The following LRRC8D variants were observed in gnomAD, a reference collection of about 807,000 sequenced individuals.
The protein encoded by LRRC8D is volume-regulated anion channel subunit LRRC8D.
LRRC8D carries 20 observed loss-of-function variants against 55.8 expected under a neutral mutation model. The observed-to-expected ratio is 0.36, with a 90% confidence interval of 0.25 to 0.52. The LOEUF (loss-of-function observed/expected upper bound fraction) is 0.52, where lower values mean the gene tolerates loss of function less well. Among genes scored for constraint, LRRC8D ranks in the 20% least tolerant of loss-of-function variants. The pLI is 0.93. For missense variants in LRRC8D, 651 were observed against 1,030.8 expected (o/e 0.63, Z 5.05); for synonymous variants, 352 against 377.0 (o/e 0.93, Z 0.77).
chr1:89,857,401 A>G (rs1205292836), intron 2 of LRRC8D, among the ~76,000 whole-genome samples: 1 of 151,666 alleles, frequency 6.6e-6, no homozygotes, highest in Admixed American at 6.6e-5. Context: ...AAAAAAAAAA[A>G]AAAGTAATTA....
At chr1:89,877,541 C>T (rs1662177805) in intron 2 of LRRC8D, among the ~76,000 whole-genome samples, 1 of 152,134 alleles carries the variant, frequency 6.6e-6, no homozygotes, top group Non-Finnish European at 1.5e-5. Context: ...GCCCCACTCC[C>T]CCTTTTCTGT....
chr1:89,860,259 A>G (rs563040965), intron 2 of LRRC8D, among the ~76,000 whole-genome samples: 218 of 152,340 alleles, frequency 1.4e-3, no homozygotes, highest in Non-Finnish European at 1.9e-3. Flanking sequence ...AAACCTCAAC[A>G]CTTTCTGATC....
chr1:89,923,883 A>T (rs1473339841), intron 2 of LRRC8D, among the ~76,000 whole-genome samples: 1 of 152,252 alleles, frequency 6.6e-6, no homozygotes, highest in Non-Finnish European at 1.5e-5. Context: ...CTTATGCAGA[A>T]GATTGAAACT....
rs1663815718 is a variant in LRRC8D at position 89,935,307 on chromosome 1, G to A, written c.2239G>A (p.Glu747Lys). Reference sequence around the variant, plus strand: ...CAACAACATTTCAATGATTCCAATAGAAATAGGATTGCTTCAGAACCTGCA... The same window carrying A: ...CAACAACATTTCAATGATTCCAATAAAAATAGGATTGCTTCAGAACCTGCA... ...SYNNISMIPI[E>K]IGLLQNLQHL... Residue 747 changes from glutamate to lysine, a missense_variant, in exon 3 of 3, where the codon GAA becomes AAA. This residue lies in a region of LRRC8D where 338 missense variants were observed against 479.4 expected (regional missense o/e 0.71). Coordinates refer to ENST00000337338, the MANE Select transcript of LRRC8D (RefSeq NM_001134479.2). 6.2e-7 allele frequency: 1 copy of A among 1,614,208 alleles called. No individual in the cohort carries two copies. The highest frequency in any genetic ancestry group is 1.7e-5 in the Admixed American group (1 of 60,028).
At chr1:89,871,716 G>A (rs945438140) in intron 2 of LRRC8D, among the ~76,000 whole-genome samples, 9 of 152,134 alleles carry the variant, frequency 5.9e-5, no homozygotes, top group East Asian at 1.9e-4. Context: ...AAAACTGTTC[G>A]GTGATTTACA....
intron 1 of LRRC8D, 33 bp from the exon 2 acceptor site, chr1:89,843,605 C>G: frequency 4.3e-6 from 3 of 700,342 alleles, no homozygotes; most frequent in Admixed American, 4.0e-5. Flanking sequence ...TTGGATCTCT[C>G]TAGCTCTTTC....
intron 2 of LRRC8D, among the ~76,000 whole-genome samples, chr1:89,931,258 G>GAAAA (rs772353702): frequency 1.4e-5 from 1 of 70,480 alleles, no homozygotes; most frequent in African/African-American, 5.2e-5. Flanking sequence ...AAGGGTTTCG[G>GAAAA]AAAAAAAAAA....
At chr1:89,853,973 A>T (rs1422817410) in intron 2 of LRRC8D, among the ~76,000 whole-genome samples, 2 of 152,132 alleles carry the variant, frequency 1.3e-5, no homozygotes, top group African/African-American at 4.8e-5. Context: ...AATAGTGGTG[A>T]GGAAGTGACT....
intron 2 of LRRC8D, among the ~76,000 whole-genome samples, chr1:89,905,668 C>T (rs1662970088): frequency 6.6e-6 from 1 of 152,078 alleles, no homozygotes; most frequent in African/African-American, 2.4e-5. Context: ...AAATTTTATC[C>T]CTGAATTAGA....
chr1:89,899,332 G>T (rs1331896465), intron 2 of LRRC8D, among the ~76,000 whole-genome samples: 1 of 152,184 alleles, frequency 6.6e-6, no homozygotes, highest in African/African-American at 2.4e-5. Flanking sequence ...CCGGTGACCT[G>T]TCTTTTCTGC....
chr1:89,876,452 C>T (rs1280616029), intron 2 of LRRC8D, among the ~76,000 whole-genome samples: 1 of 152,170 alleles, frequency 6.6e-6, no homozygotes, highest in Admixed American at 6.5e-5. Context: ...AGGATGTGCA[C>T]TTCCCGTGTG....
intron 1 of LRRC8D, among the ~76,000 whole-genome samples, chr1:89,839,616 G>A (rs1661084052): frequency 6.6e-6 from 1 of 152,162 alleles, no homozygotes; most frequent in Admixed American, 6.5e-5. Context: ...AGTTGGCTCT[G>A]CGAAAGGCTT....
chr1:89,846,470 T>G (rs1237550655), intron 2 of LRRC8D: 1 of 152,180 alleles, frequency 6.6e-6, no homozygotes, highest in Non-Finnish European at 1.5e-5. Flanking sequence ...ATGGAGTTGT[T>G]GGGACCTGAA....
At chr1:89,896,801 A>G (rs1662725772) in intron 2 of LRRC8D, among the ~76,000 whole-genome samples, 1 of 152,134 alleles carries the variant, frequency 6.6e-6, no homozygotes, top group Admixed American at 6.5e-5. Context: ...CTTGTGAATC[A>G]TAGTTGTTAA....
Position 89,935,327 on chromosome 1 carries a change from C to A in LRRC8D, c.2259C>A (p.Asn753Lys), listed in dbSNP as rs1663816808. The A allele has an allele frequency of 2.5e-6, 4 of 1,613,822 alleles. No individual in the cohort carries two copies. The highest frequency in any genetic ancestry group is 1.6e-4 in the Middle Eastern group (1 of 6,062). ...MIPIEIGLLQ[N>K]LQHLHITGNK... ...CAATAGAAATAGGATTGCTTCAGAA[C>A]CTGCAGCATTTGCATATCACTGGGA... Residue 753 changes from asparagine (N) to lysine (K), a missense_variant, in exon 3 of 3, where the codon AAC becomes AAA. Coordinates refer to ENST00000337338, the MANE Select transcript of LRRC8D (RefSeq NM_001134479.2).
chr1:89,871,483 A>G (rs1479159690), intron 2 of LRRC8D, among the ~76,000 whole-genome samples: 1 of 152,180 alleles, frequency 6.6e-6, no homozygotes, highest in Non-Finnish European at 1.5e-5. Flanking sequence ...TTCATTTTAT[A>G]TTGTGTTAGA....
At position 89,834,432 on chromosome 1, in the gene LRRC8D, A is replaced by G. The variant is rs953444759; in HGVS notation, c.-147-9206A>G. 6.6e-5 allele frequency among the ~76,000 whole-genome samples: 10 copies of G among 152,324 alleles called. No individual in the cohort carries two copies. In the South Asian group the frequency reaches 1.4e-3, roughly 22 times the overall value. Reference sequence around the variant, plus strand: ...TGAAGGTTGGTGTCATTGGTGTTCCATTTCAAAGATTACAAAACTGAGGCT... The same window carrying G: ...TGAAGGTTGGTGTCATTGGTGTTCCGTTTCAAAGATTACAAAACTGAGGCT... On this transcript the variant is annotated intron_variant, in intron 1 of 2. Transcript: ENST00000337338.
At chr1:89,917,343 T>C (rs1435767859) in intron 2 of LRRC8D, among the ~76,000 whole-genome samples, 2 of 152,156 alleles carry the variant, frequency 1.3e-5, no homozygotes, top group African/African-American at 4.8e-5. Flanking sequence ...ATCTGTATGC[T>C]AAGCCCAGAG....
At chr1:89,923,581 G>T (rs761379272) in intron 2 of LRRC8D, among the ~76,000 whole-genome samples, 2 of 151,296 alleles carry the variant, frequency 1.3e-5, no homozygotes, top group African/African-American at 4.9e-5. Context: ...AGAAAAAAAC[G>T]ATTCTAAAAT....
Sources: gnomAD v4.1 joint callset for allele counts (sites outside exome capture counted in the v4.1 genomes callset) on GRCh38, gnomAD v4.1.1 for gene constraint, gnomAD v4.1.1 regional missense constraint, MANE v1.5 for transcripts, NCBI Gene and HGNC (gene_info 2026-07-23, HGNC 2026-07-21) for gene names.